The following CDH2 variants were observed in gnomAD, a reference collection of about 807,000 sequenced individuals.
CDH2 encodes cadherin 2, also known as cadherin-2.
Under a neutral mutation model 92.0 loss-of-function variants are expected in CDH2, and 17 were observed. That is an observed-to-expected ratio of 0.18 (90% CI 0.13 to 0.28). The LOEUF (loss-of-function observed/expected upper bound fraction) is 0.28, where lower values mean the gene tolerates loss of function less well. Among genes scored for constraint, CDH2 ranks in the 10% least tolerant of loss-of-function variants. CDH2 has a pLI of 1.00. For missense variants in CDH2, 862 were observed against 1,133.1 expected (o/e 0.76, Z 3.44); for synonymous variants, 419 against 415.9 (o/e 1.01, Z -0.09).
At chr18:27,988,805 AAAGT>A (rs1183350679) in intron 10 of CDH2, 139 bp from the exon 11 acceptor site, 1 of 657,870 alleles carries the variant, frequency 1.5e-6, no homozygotes, top group African/African-American at 1.8e-5. Flanking sequence ...TTAACAGGAA[AAAGT>A]ATTTTTGTGA....
chr18:27,985,603 C>G lies in CDH2; in HGVS notation c.1900G>C (p.Ala634Pro). 6.2e-7 allele frequency: 1 copy of G among 1,614,034 alleles called. No homozygotes were observed. Among genetic ancestry groups the G allele is most frequent in the Non-Finnish European group, 8.5e-7 (1 of 1,179,948 alleles). Residue 634 changes from alanine to proline, a missense_variant, in exon 12 of 16, where the codon GCT becomes CCT. This residue lies in a region of CDH2 where 564 missense variants were observed against 722.2 expected (regional missense o/e 0.78). Transcript: ENST00000269141. ...TALDYDIDPNAGPFAFDLPLS... is the reference protein window; with the variant it reads ...TALDYDIDPNPGPFAFDLPLS... ...GGAAGATCAAAAGCAAATGGTCCAG[C>G]ATTTGGATCAATGTCATAATCAAGT... is the stretch of plus-strand genomic sequence containing the variant.
At chr18:28,175,627 C>A (rs1356249051) in intron 1 of CDH2, among the ~76,000 whole-genome samples, 1 of 152,174 alleles carries the variant, frequency 6.6e-6, no homozygotes, top group Non-Finnish European at 1.5e-5. Context: ...CAGCACTCAC[C>A]CCCCGGCGGG....
chr18:28,175,302 G>C (rs2016520839), intron 1 of CDH2, among the ~76,000 whole-genome samples: 3 of 152,224 alleles, frequency 2.0e-5, no homozygotes, highest in Non-Finnish European at 4.4e-5. Flanking sequence ...CCCGAGTCAG[G>C]AGAGAGCCGA....
intron 15 of CDH2, among the ~76,000 whole-genome samples, chr18:27,958,402 TGAGTA>T (rs1374724859): frequency 6.6e-6 from 1 of 151,878 alleles, no homozygotes; most frequent in Non-Finnish European, 1.5e-5. Flanking sequence ...TTTATACTTT[TGAGTA>T]GAGAAATATA....
chr18:28,097,322 T>C (rs2015152240), intron 2 of CDH2: 1 of 151,716 alleles, frequency 6.6e-6, no homozygotes, highest in African/African-American at 2.4e-5. Context: ...TACACACATA[T>C]GGTTACAATA....
At chr18:27,979,755 G>A (rs908775316) in intron 14 of CDH2, among the ~76,000 whole-genome samples, 10 of 151,724 alleles carry the variant, frequency 6.6e-5, no homozygotes, top group Non-Finnish European at 1.5e-4. Flanking sequence ...AAAAACAGGG[G>A]GTGCTAATCT....
intron 1 of CDH2, among the ~76,000 whole-genome samples, chr18:28,163,911 T>C (rs2016341443): frequency 6.6e-6 from 1 of 152,210 alleles, no homozygotes; most frequent in South Asian, 2.1e-4. Context: ...TGCCAGATAG[T>C]AGTTAACTCT....
intron 2 of CDH2, among the ~76,000 whole-genome samples, chr18:28,074,703 T>A (rs1599080512): frequency 6.7e-6 from 1 of 149,500 alleles, no homozygotes; most frequent in African/African-American, 2.5e-5. Flanking sequence ...TTTTTTTTTT[T>A]AACTATTTAA....
At chr18:28,031,767 C>A (rs2013702078) in intron 2 of CDH2, among the ~76,000 whole-genome samples, 1 of 152,120 alleles carries the variant, frequency 6.6e-6, no homozygotes, top group Non-Finnish European at 1.5e-5. Context: ...AGATTAGGCT[C>A]ATTTTTGTCT....
At chr18:28,055,234 CCAT>C (rs1277610289) in intron 2 of CDH2, among the ~76,000 whole-genome samples, 1 of 152,122 alleles carries the variant, frequency 6.6e-6, no homozygotes, top group Admixed American at 6.5e-5. Context: ...TTACTAACCA[CCAT>C]GAGAACAGTG....
chr18:28,103,383 T>C (rs2015264340), intron 2 of CDH2, among the ~76,000 whole-genome samples: 1 of 146,832 alleles, frequency 6.8e-6, no homozygotes, highest in Non-Finnish European at 1.5e-5. Context: ...GATGTATATA[T>C]ATAAAGTACA....
At chr18:28,106,797 T>C (rs538052237) in intron 2 of CDH2, among the ~76,000 whole-genome samples, 13 of 152,322 alleles carry the variant, frequency 8.5e-5, no homozygotes, top group African/African-American at 3.1e-4. Flanking sequence ...CAGTTTAGCA[T>C]CTCTAATTGT....
intron 2 of CDH2, among the ~76,000 whole-genome samples, chr18:28,031,170 C>G (rs1446821234): frequency 6.6e-6 from 1 of 151,754 alleles, no homozygotes; most frequent in Non-Finnish European, 1.5e-5. Context: ...AAAGCCAACT[C>G]TGGGTTCACC....
At chr18:28,121,839 C>A (rs1007378007) in intron 2 of CDH2, among the ~76,000 whole-genome samples, 5 of 151,994 alleles carry the variant, frequency 3.3e-5, no homozygotes, top group Non-Finnish European at 7.4e-5. Context: ...TTTGTAAAAA[C>A]CCCAAGCAGC....
chr18:28,007,413 A>G (rs2144022635), intron 5 of CDH2, among the ~76,000 whole-genome samples: 1 of 151,770 alleles, frequency 6.6e-6, no homozygotes, highest in East Asian at 1.9e-4. Context: ...GAATGCTTCT[A>G]GTTTTCATGT....
At chr18:28,093,444 T>C (rs2015071951) in intron 2 of CDH2, among the ~76,000 whole-genome samples, 1 of 152,128 alleles carries the variant, frequency 6.6e-6, no homozygotes, top group African/African-American at 2.4e-5. Context: ...GAATCAATAA[T>C]ATAGATTTTC....
At chr18:28,167,581 T>C (rs1392034254) in intron 1 of CDH2, among the ~76,000 whole-genome samples, 1 of 152,068 alleles carries the variant, frequency 6.6e-6, no homozygotes, top group Non-Finnish European at 1.5e-5. Flanking sequence ...AATCATGCTG[T>C]TGGAAGTCAA....
chr18:27,972,889 T>C (rs1301062629), intron 14 of CDH2, among the ~76,000 whole-genome samples: 1 of 152,182 alleles, frequency 6.6e-6, no homozygotes, highest in Non-Finnish European at 1.5e-5. Context: ...AGAAACTTGA[T>C]TTAGCCTGGG....
In CDH2 at chr18:28,032,619, T is replaced by C. The variant is rs1443452; in HGVS notation, c.173-18710A>G. Among the ~76,000 whole-genome samples the C allele has an allele frequency of 7.0e-4, 106 of 152,300 alleles. 2 individuals carry two copies. In the East Asian group the frequency reaches 0.02, roughly 29 times the overall value. Reference sequence around the variant, plus strand: ...AATGTTTGTGATAAAATATCTCATTTGGATATCATCTATAATGATTCAAAT... The same window carrying C: ...AATGTTTGTGATAAAATATCTCATTCGGATATCATCTATAATGATTCAAAT... On this transcript the variant is annotated intron_variant, in intron 2 of 15. Transcript: ENST00000269141.
Sources: allele counts gnomAD v4.1 joint callset (sites outside exome capture counted in the v4.1 genomes callset), GRCh38; gene constraint gnomAD v4.1.1; regional missense constraint gnomAD v4.1.1; transcripts MANE v1.5; gene names NCBI Gene and HGNC (gene_info 2026-07-23, HGNC 2026-07-21).